The following A2ML1 variants were observed in gnomAD, a reference collection of about 807,000 sequenced individuals.
A2ML1 encodes the protein alpha-2-macroglobulin like 1, also known as alpha-2-macroglobulin-like protein 1.
A neutral mutation model predicts 181.9 loss-of-function variants in A2ML1; 161 were observed. The ratio of observed to expected loss-of-function variants is 0.89; its 90% confidence interval spans 0.78 to 1.01. A2ML1 has a LOEUF of 1.01. A2ML1 is among the 50% of genes least tolerant of loss of function. The pLI, the probability that A2ML1 is intolerant of heterozygous loss-of-function variation, is 0.00. For missense variants in A2ML1, 1,670 were observed against 1,768.1 expected, an observed-to-expected ratio of 0.94 and a Z score of 1.00; for synonymous variants, 663 against 666.8, an observed-to-expected ratio of 0.99 and a Z score of 0.09.
At position 8,847,718 on chromosome 12, in the gene A2ML1, CAG is replaced by C; in HGVS notation, c.1833+23_1833+24del. 2 of 1,602,428 alleles carry C rather than the reference CAG, an allele frequency of 1.2e-6. No individual in the cohort carries two copies. Among genetic ancestry groups the C allele is most frequent in the Non-Finnish European group, 1.7e-6 (2 of 1,175,622 alleles). On this transcript the variant is annotated intron_variant, in intron 15 of 35. Coordinates refer to ENST00000299698, the MANE Select transcript of A2ML1 (RefSeq NM_144670.6). ...CGCTCTGTGAGTAACTGTCTGCTGA[CAG>C]AGTGGGAGGAGGGAGTTGATGGAGA... is the stretch of plus-strand genomic sequence containing the variant.
Position 8,845,471 on chromosome 12 carries a change from G to C in A2ML1, c.1506G>C (p.Glu502Asp), listed in dbSNP as rs371934702. The change falls in exon 13 of 36, where the codon GAG becomes GAC. Residue 502 changes from glutamate (E) to aspartate (D), a missense_variant. By Grantham distance (45) the Glu-to-Asp change is conservative (BLOSUM62 2). Transcript: ENST00000299698. ...TAGGGAAAGGAAGTTTGGTGATGGA[G>C]GGGCAGAAACACCTGAACTCTAAGA... ...YLIGKGSLVM[E>D]GQKHLNSKKK... is the part of the protein sequence containing the mutation. 2 of 1,614,004 alleles carry C rather than the reference G, an allele frequency of 1.2e-6. No homozygotes were observed. The highest frequency in any genetic ancestry group is 2.7e-5 in the African/African-American group (2 of 74,898).
chr12:8,872,587 C>A (rs1227363533), intron 33 of A2ML1, among the ~76,000 whole-genome samples: 1 of 151,774 alleles, frequency 6.6e-6, no homozygotes, highest in African/African-American at 2.4e-5. Flanking sequence ...CGAGATCAAC[C>A]TGGCCAATAT....
At position 8,842,829 on chromosome 12, in the gene A2ML1, A is replaced by C. The variant is rs146519959; in HGVS notation, c.1249-305A>C. Reference sequence around the variant, plus strand: ...GAAATATAATCTTTGATTTCTATATAATCTAAGTCACGTTCATCTATCCCA... The same window carrying C: ...GAAATATAATCTTTGATTTCTATATCATCTAAGTCACGTTCATCTATCCCA... On this transcript the variant is annotated intron_variant, in intron 11 of 35. Coordinates refer to ENST00000299698, the MANE Select transcript of A2ML1 (RefSeq NM_144670.6). Among the ~76,000 whole-genome samples, 814 of 152,318 alleles carry C rather than the reference A, an allele frequency of 5.3e-3. 9 individuals carry two copies. Among genetic ancestry groups the C allele is most frequent in the African/African-American group, 0.017 (710 of 41,554 alleles).
In A2ML1 at chr12:8,861,762, C is replaced by G. The variant is rs1424313845; in HGVS notation, c.3502+465C>G. On this transcript the variant is annotated intron_variant, in intron 28 of 35. Transcript: ENST00000299698. ...TCGGCCTCCCAAAGTGCTGGTATTA[C>G]AGGCATGAGCCACCACGCCCGAGTT... 2.6e-5 allele frequency among the ~76,000 whole-genome samples: 4 copies of G among 151,366 alleles called. No homozygotes were observed. The East Asian group carries it at 7.7e-4, about 29-fold the overall frequency.
At chr12:8,835,346 T>A (rs752957151) in intron 5 of A2ML1, among the ~76,000 whole-genome samples, 161 bp from the exon 6 acceptor site, 112 of 152,286 alleles carry the variant, frequency 7.4e-4, no homozygotes, top group African/African-American at 2.6e-3. Context: ...ATAAAGAAAG[T>A]TATAAATAAC....
intron 25 of A2ML1, 147 bp from the exon 26 acceptor site, chr12:8,857,799 C>A: frequency 8.2e-7 from 1 of 1,222,850 alleles, no homozygotes; most frequent in Non-Finnish European, 1.2e-6. Flanking sequence ...CATTGGTGCC[C>A]ATTAATGCCT....
intron 3 of A2ML1, among the ~76,000 whole-genome samples, chr12:8,827,326 G>A (rs766069456): frequency 1.3e-4 from 20 of 152,268 alleles, no homozygotes; most frequent in African/African-American, 4.3e-4. Context: ...GCAACAGAGC[G>A]AGACTGTCTC....
At chr12:8,880,088 G>A (rs1944855202), downstream of A2ML1, among the ~76,000 whole-genome samples, 1 of 152,210 alleles carries the variant, frequency 6.6e-6, no homozygotes, top group Admixed American at 6.5e-5. Context: ...GGAAGGCCAG[G>A]TGTGGTGGCT....
intron 33 of A2ML1, among the ~76,000 whole-genome samples, chr12:8,871,321 A>G (rs1944614872): frequency 1.3e-5 from 2 of 152,018 alleles, no homozygotes; most frequent in Admixed American, 6.6e-5. Flanking sequence ...AAGAACATCT[A>G]TTTCTTTTCT....
intron 3 of A2ML1, among the ~76,000 whole-genome samples, chr12:8,825,487 C>T (rs1053549580): frequency 1.3e-5 from 2 of 152,068 alleles, no homozygotes; most frequent in African/African-American, 4.8e-5. Context: ...CTTATATATT[C>T]TGGTTATTAA....
intron 3 of A2ML1, among the ~76,000 whole-genome samples, chr12:8,827,745 A>C (rs1942976155): frequency 6.6e-6 from 1 of 152,180 alleles, no homozygotes; most frequent in African/African-American, 2.4e-5. Context: ...CTCCTTGGGC[A>C]GACTTTCCAG....
intron 16 of A2ML1, 92 bp downstream of exon 16, chr12:8,849,006 T>C (rs1943798949): frequency 1.4e-6 from 2 of 1,381,170 alleles, no homozygotes; most frequent in Non-Finnish European, 2.0e-6. Flanking sequence ...GAGAGACTCA[T>C]ATGGGCACTG....
chr12:8,848,570 G>A (rs1336331187), intron 15 of A2ML1, 150 bp from the exon 16 acceptor site: 1 of 597,462 alleles, frequency 1.7e-6, no homozygotes, highest in Non-Finnish European at 2.7e-6. Flanking sequence ...AGTGAGAAAG[G>A]TAATTATGAC....
Position 8,852,021 on chromosome 12 carries a change from T to C in A2ML1, c.2463+9T>C. 6.2e-7 allele frequency: 1 copy of C among 1,613,214 alleles called. No homozygotes were observed. Among genetic ancestry groups the C allele is most frequent in the Non-Finnish European group, 8.5e-7 (1 of 1,179,188 alleles). On this transcript the variant is annotated intron_variant, in intron 19 of 35. Coordinates refer to ENST00000299698, the MANE Select transcript of A2ML1 (RefSeq NM_144670.6). The surrounding 1 kb of genome is among the most constrained non-coding windows in gnomAD (Gnocchi z 4.2). Reference sequence around the variant, plus strand: ...TAAAGGATTGCATCAGGGTGAGAGCTGGGGATACAGGAATCAGGTGTCAGC... The same window carrying C: ...TAAAGGATTGCATCAGGGTGAGAGCCGGGGATACAGGAATCAGGTGTCAGC...
At chr12:8,863,260 C>CTG (rs1944329123) in intron 28 of A2ML1, among the ~76,000 whole-genome samples, 3 of 152,078 alleles carry the variant, frequency 2.0e-5, no homozygotes, top group Admixed American at 6.5e-5. Context: ...GCACGCGCCA[C>CTG]CACGCCTGGC....
At chr12:8,869,517 C>G (rs941130267) in intron 33 of A2ML1, among the ~76,000 whole-genome samples, 2 of 152,002 alleles carry the variant, frequency 1.3e-5, no homozygotes, top group Non-Finnish European at 2.9e-5. Context: ...TTATACACCC[C>G]AAATATTTCC....
chr12:8,841,250 G>C, intron 10 of A2ML1, 119 bp from the exon 11 acceptor site: 1 of 837,750 alleles, frequency 1.2e-6, no homozygotes, highest in Non-Finnish European at 1.9e-6. Context: ...TAGAAATTCT[G>C]TTATTACTTT....
Position 8,841,480 on chromosome 12 carries a change from C to T in A2ML1, c.1192C>T (p.Leu398=). The change falls in exon 11 of 36, where the codon CTA becomes TTA. Residue 398 remains leucine (L), a synonymous_variant. Coordinates refer to ENST00000299698, the MANE Select transcript of A2ML1 (RefSeq NM_144670.6). ...GACCCTGGTTACTGATAACAATGGC[C>T]TAGCTCCCTTTACCTTGGAGACATC... ...NQTLVTDNNG[L]APFTLETSGW... The T allele has an allele frequency of 6.2e-7, 1 of 1,614,114 alleles. No homozygotes were observed. Among genetic ancestry groups the T allele is most frequent in the Non-Finnish European group, 8.5e-7 (1 of 1,180,038 alleles).
At position 8,850,270 on chromosome 12, in the gene A2ML1, A is replaced by C; in HGVS notation, c.2230A>C (p.Ile744Leu). ...GACCTGGCTCTGGGATCTGTTTCCT[A>C]TTGGGTAAGTGATGACTCAAAAGTA... The part of the protein sequence containing the change: ...PETWLWDLFP[I>L]GNSGKEAVHV... The change falls in exon 18 of 36, where the codon ATT becomes CTT. Residue 744 changes from isoleucine to leucine, a missense_variant. Ile to Leu is a conservative substitution (Grantham distance 5, BLOSUM62 2). Coordinates refer to ENST00000299698, the MANE Select transcript of A2ML1 (RefSeq NM_144670.6). The C allele has an allele frequency of 6.2e-7, 1 of 1,609,566 alleles. No homozygotes were observed. Among genetic ancestry groups the C allele is most frequent in the South Asian group, 1.1e-5 (1 of 90,452 alleles).
Sources: allele counts gnomAD v4.1 joint callset (sites outside exome capture counted in the v4.1 genomes callset), GRCh38; gene constraint gnomAD v4.1.1; non-coding constraint Gnocchi (gnomAD v3.1); transcripts MANE v1.5; gene names NCBI Gene and HGNC (gene_info 2026-07-23, HGNC 2026-07-21).